LRRCC1: variants seen among roughly 807,000 people sequenced by gnomAD.
The protein encoded by LRRCC1 is leucine-rich repeat and coiled-coil domain-containing protein 1.
Under a neutral mutation model 126.0 loss-of-function variants are expected in LRRCC1, and 115 were observed. The ratio of observed to expected loss-of-function variants is 0.91; its 90% CI spans 0.78 to 1.07. The LOEUF is 1.07. Ranked by LOEUF, LRRCC1 falls within the 50% of genes least tolerant of loss-of-function variation. The pLI, the probability that LRRCC1 is intolerant of heterozygous loss-of-function variation, is 0.00. For synonymous variants in LRRCC1, 400 were observed against 393.4 expected (o/e 1.02, Z -0.20); for missense variants, 1,172 against 1,175.7 (o/e 1.00, Z 0.05).
At chr8:85,132,112 A>C (rs1810514364) in intron 12 of LRRCC1, 151 bp downstream of exon 12, 1 of 634,608 alleles carries the variant, frequency 1.6e-6, no homozygotes, top group Admixed American at 3.5e-5. Flanking sequence ...AGTTTCCTCA[A>C]ATAAATAATA....
At chr8:85,113,947 A>G (rs753189735) in intron 4 of LRRCC1, among the ~76,000 whole-genome samples, 1 of 152,128 alleles carries the variant, frequency 6.6e-6, no homozygotes, top group Non-Finnish European at 1.5e-5. Context: ...GATCAGCTTG[A>G]GTACAAGTTA....
At chr8:85,111,934 C>G (rs1159550530) in intron 3 of LRRCC1, among the ~76,000 whole-genome samples, 1 of 150,976 alleles carries the variant, frequency 6.6e-6, no homozygotes, top group Non-Finnish European at 1.5e-5. Flanking sequence ...GTGATCCTGG[C>G]TCACAGCAGC....
chr8:85,122,660 C>T (rs900949174), intron 6 of LRRCC1, among the ~76,000 whole-genome samples: 5 of 152,090 alleles, frequency 3.3e-5, no homozygotes, highest in Admixed American at 6.6e-5. Flanking sequence ...ACTATTGGAT[C>T]GCTATTTTAA....
At chr8:85,113,767 T>A (rs761194828) in intron 4 of LRRCC1, among the ~76,000 whole-genome samples, 9 of 152,104 alleles carry the variant, frequency 5.9e-5, no homozygotes, top group Non-Finnish European at 8.8e-5. Flanking sequence ...TTTAAGAAAG[T>A]TTAATATATA....
intron 6 of LRRCC1, 64 bp downstream of exon 6, chr8:85,115,648 A>G (rs1809061753): frequency 8.1e-7 from 1 of 1,228,718 alleles, no homozygotes; most frequent in Non-Finnish European, 1.1e-6. Context: ...AAGAAAATGT[A>G]AAATAAAAAT....
At chr8:85,141,323 AATCTT>A in intron 17 of LRRCC1, 54 bp from the exon 18 acceptor site, 1 of 1,402,880 alleles carries the variant, frequency 7.1e-7, no homozygotes, top group East Asian at 2.3e-5. Context: ...ATAACATCCT[AATCTT>A]TACATTCACA....
intron 12 of LRRCC1, among the ~76,000 whole-genome samples, chr8:85,133,985 AT>A (rs1291434770): frequency 1.3e-5 from 2 of 151,976 alleles, no homozygotes; most frequent in Non-Finnish European, 2.9e-5. Flanking sequence ...CTTCCCCTTC[AT>A]TTACACCACT....
At chr8:85,118,621 T>G (rs1260431516) in intron 6 of LRRCC1, among the ~76,000 whole-genome samples, 1 of 152,132 alleles carries the variant, frequency 6.6e-6, no homozygotes, top group Non-Finnish European at 1.5e-5. Flanking sequence ...ATTTCACTAA[T>G]GATTGGTTAT....
At chr8:85,125,529 C>G (rs577136551) in intron 8 of LRRCC1, among the ~76,000 whole-genome samples, 1 of 149,290 alleles carries the variant, frequency 6.7e-6, no homozygotes, top group South Asian at 2.1e-4. Context: ...AAAAATTAGC[C>G]GGGCGTAGTG....
intron 12 of LRRCC1, among the ~76,000 whole-genome samples, chr8:85,133,621 A>G (rs1810645755): frequency 6.6e-6 from 1 of 152,198 alleles, no homozygotes; most frequent in African/African-American, 2.4e-5. Context: ...AGCCAAAAAC[A>G]AAGTCATTGT....
rs1034475248 is a variant in LRRCC1 at position 85,145,311 on chromosome 8, G to A, written c.2977-78G>A. ...TCAAAATGTGTAAGAATAAATTTTG[G>A]ACCTTTTCTTTCAGAATGCATTTTA... On this transcript the variant is annotated intron_variant, in intron 18 of 18. Transcript: ENST00000360375. 6.0e-5 allele frequency: 67 copies of A among 1,111,230 alleles called. No homozygotes were observed. In the African/African-American group the frequency reaches 9.9e-4, roughly 16 times the overall value. The allele number at this position is 1,111,230 out of a possible 1,614,324, so 68.8% of individuals were successfully genotyped here. A position where few individuals can be genotyped will look rare whatever the true frequency, so the allele number is the denominator to read the frequency against.
At chr8:85,112,255 G>A (rs536111701) in intron 3 of LRRCC1, among the ~76,000 whole-genome samples, 1 of 152,280 alleles carries the variant, frequency 6.6e-6, no homozygotes, top group African/African-American at 2.4e-5. Flanking sequence ...TTACCAAAGA[G>A]AAATTAAAAT....
chr8:85,129,326 G>GA lies in LRRCC1; in HGVS notation c.1579dup (p.Thr527AsnfsTer32), dbSNP rs1810262635. ...TCACCTTAAACACTTAAGAACCCTCGAAAAAACATTAGAAAAAATGGAGAG... is the reference window on the plus strand; with the variant it reads ...TCACCTTAAACACTTAAGAACCCTCGAAAAAAACATTAGAAAAAATGGAGAG... On this transcript the variant is annotated frameshift_variant, in exon 10 of 19. Coordinates refer to ENST00000360375, the MANE Select transcript of LRRCC1 (RefSeq NM_033402.5). LOFTEE classifies it high-confidence loss of function. The GA allele has an allele frequency of 2.5e-6, 4 of 1,611,996 alleles. No individual in the cohort carries two copies. Among genetic ancestry groups the GA allele is most frequent in the East Asian group, 2.2e-5 (1 of 44,828 alleles).
At chr8:85,108,118 C>T (rs1382528219) in intron 1 of LRRCC1, among the ~76,000 whole-genome samples, 3 of 152,220 alleles carry the variant, frequency 2.0e-5, no homozygotes, top group Non-Finnish European at 2.9e-5. Flanking sequence ...CTGTACTGAG[C>T]TACAGGCAAT....
In LRRCC1 at chr8:85,109,597, T is replaced by C. The variant is rs780052259; in HGVS notation, c.107T>C (p.Ile36Thr). 1.3e-6 allele frequency: 2 copies of C among 1,565,470 alleles called. No individual in the cohort carries two copies. Among genetic ancestry groups the C allele is most frequent in the African/African-American group, 1.4e-5 (1 of 73,720 alleles). ...ATAGTATATATTTTCTTTTATAGCA[T>C]ATCAGAATTATCTTTAGATTCAACT... The part of the protein sequence containing the change: ...VCFMDKGLQS[I>T]SELSLDSTLH... Residue 36 changes from isoleucine to threonine, a missense_variant and splice_region_variant, in exon 2 of 19, where the codon ATA becomes ACA. Ile to Thr is a moderately conservative substitution (Grantham distance 89). Transcript: ENST00000360375.
intron 18 of LRRCC1, among the ~76,000 whole-genome samples, chr8:85,144,068 C>T (rs1278604105): frequency 6.6e-6 from 1 of 151,982 alleles, no homozygotes; most frequent in Non-Finnish European, 1.5e-5. Flanking sequence ...TAGAAGTTAA[C>T]AATATCAACT....
chr8:85,110,482 G>A (rs992040387), intron 3 of LRRCC1, among the ~76,000 whole-genome samples: 3 of 152,230 alleles, frequency 2.0e-5, no homozygotes, highest in Non-Finnish European at 2.9e-5. Flanking sequence ...ATATAGAGAA[G>A]AATAGTTCCA....
At chr8:85,123,380 T>G in intron 6 of LRRCC1, 33 bp from the exon 7 acceptor site, 1 of 1,450,544 alleles carries the variant, frequency 6.9e-7, no homozygotes, top group South Asian at 1.3e-5. Context: ...ATACTGAACT[T>G]TTAACAAATT....
chr8:85,132,043 G>GCTGT, intron 12 of LRRCC1, 82 bp downstream of exon 12: 1 of 1,164,308 alleles, frequency 8.6e-7, no homozygotes, highest in Non-Finnish European at 1.2e-6. Context: ...TAGAAACATA[G>GCTGT]CTGTATTAAA....
Sources: gnomAD v4.1 joint callset for allele counts (sites outside exome capture counted in the v4.1 genomes callset) on GRCh38, gnomAD v4.1.1 for gene constraint, MANE v1.5 for transcripts, NCBI Gene and HGNC (gene_info 2026-07-23, HGNC 2026-07-21) for gene names.